The following ADCK1 variants were observed in gnomAD, a reference collection of about 807,000 sequenced individuals.
The protein encoded by ADCK1 is aarF domain containing kinase 1.
A neutral mutation model predicts 52.3 loss-of-function variants in ADCK1; 41 were observed. That is an observed-to-expected ratio of 0.78 (90% CI 0.61 to 1.02). The LOEUF is 1.02. ADCK1 is among the 50% of genes least tolerant of loss of function. ADCK1 has a pLI of 0.00. For synonymous variants in ADCK1, 250 were observed against 274.6 expected (o/e 0.91, Z 0.89); for missense variants, 658 against 679.5 (o/e 0.97, Z 0.35).
At chr14:77,919,456 A>G (rs1193006954) in intron 7 of ADCK1, among the ~76,000 whole-genome samples, 1 of 152,210 alleles carries the variant, frequency 6.6e-6, no homozygotes, top group East Asian at 1.9e-4. Flanking sequence ...TCCATGGTCT[A>G]TGTATACCAC....
intron 4 of ADCK1, among the ~76,000 whole-genome samples, chr14:77,880,417 C>CA (rs2082996678): frequency 6.6e-6 from 1 of 152,254 alleles, no homozygotes; most frequent in Admixed American, 6.5e-5. Flanking sequence ...AATGGCTCTG[C>CA]AGAACCAATA....
chr14:77,880,777 T>A (rs189417611), intron 4 of ADCK1, among the ~76,000 whole-genome samples: 238 of 152,370 alleles, frequency 1.6e-3, no homozygotes, highest in Admixed American at 2.4e-3. Context: ...AATACAAGTG[T>A]GTTTTTCTGA....
At chr14:77,840,265 T>G (rs1228202129) in intron 3 of ADCK1, among the ~76,000 whole-genome samples, 1 of 152,094 alleles carries the variant, frequency 6.6e-6, no homozygotes, top group African/African-American at 2.4e-5. Flanking sequence ...CTGGAACGGT[T>G]CTCACTGGGA....
chr14:77,805,550 CTG>C (rs1205621127), intron 1 of ADCK1, among the ~76,000 whole-genome samples: 2 of 152,064 alleles, frequency 1.3e-5, no homozygotes, highest in East Asian at 3.9e-4. Context: ...GCGTGAGCCA[CTG>C]TGCTGGCCCA....
chr14:77,864,076 C>T (rs1403456514), intron 4 of ADCK1, among the ~76,000 whole-genome samples: 3 of 152,094 alleles, frequency 2.0e-5, no homozygotes, highest in Non-Finnish European at 2.9e-5. Context: ...TCTTTCCTCC[C>T]AGGGGAACTT....
chr14:77,916,801 C>T (rs1275462763), intron 7 of ADCK1, among the ~76,000 whole-genome samples: 1 of 152,244 alleles, frequency 6.6e-6, no homozygotes, highest in Non-Finnish European at 1.5e-5. Context: ...GACTCCACCT[C>T]AGCATTTGTT....
intron 3 of ADCK1, among the ~76,000 whole-genome samples, chr14:77,848,911 C>T (rs752214603): frequency 9.9e-5 from 15 of 151,928 alleles, no homozygotes; most frequent in African/African-American, 2.9e-4. Flanking sequence ...CTGCAAGCTC[C>T]GCCTCCCAGG....
At chr14:77,895,845 G>A (rs1325123083) in intron 5 of ADCK1, among the ~76,000 whole-genome samples, 1 of 152,038 alleles carries the variant, frequency 6.6e-6, no homozygotes, top group Non-Finnish European at 1.5e-5. Context: ...TTCATTTTCT[G>A]GGCTTCGTAG....
chr14:77,883,146 C>A (rs1257327337), intron 4 of ADCK1, among the ~76,000 whole-genome samples: 2 of 151,894 alleles, frequency 1.3e-5, no homozygotes, highest in African/African-American at 4.8e-5. Flanking sequence ...TTAAAAAGCA[C>A]GTAACTAGTC....
chr14:77,829,420 G>A (rs2081792877), intron 3 of ADCK1, among the ~76,000 whole-genome samples: 1 of 150,562 alleles, frequency 6.6e-6, no homozygotes, highest in South Asian at 2.1e-4. Flanking sequence ...TTAGCCTCCT[G>A]AGTAGTGGAC....
intron 3 of ADCK1, among the ~76,000 whole-genome samples, chr14:77,854,883 A>G (rs1482201311): frequency 6.6e-6 from 1 of 152,190 alleles, no homozygotes; most frequent in Admixed American, 6.5e-5. Flanking sequence ...ATGCAAATCA[A>G]CAAATTCAGA....
intron 4 of ADCK1, among the ~76,000 whole-genome samples, chr14:77,880,486 G>A (rs2082999019): frequency 6.6e-6 from 1 of 152,246 alleles, no homozygotes; most frequent in Non-Finnish European, 1.5e-5. Context: ...AGGTCGGCGT[G>A]TCCTTGAGCT....
intron 10 of ADCK1, among the ~76,000 whole-genome samples, 196 bp from the exon 11 acceptor site, chr14:77,933,024 T>G (rs1285754492): frequency 1.3e-5 from 2 of 152,194 alleles, no homozygotes; most frequent in African/African-American, 2.4e-5. Context: ...TTTGAAAAAC[T>G]CCTTTGAAAT....
chr14:77,899,924 G>A (rs933942405), intron 6 of ADCK1, among the ~76,000 whole-genome samples: 72 of 152,076 alleles, frequency 4.7e-4, no homozygotes, highest in African/African-American at 1.6e-3. Context: ...ATAAAAATTA[G>A]CCTGGCGTGG....
At chr14:77,810,647 C>G (rs990829562) in intron 1 of ADCK1, among the ~76,000 whole-genome samples, 3 of 151,968 alleles carry the variant, frequency 2.0e-5, no homozygotes, top group Non-Finnish European at 4.4e-5. Flanking sequence ...TTTCCTACCT[C>G]AGCCTCCCGA....
chr14:77,924,436 C>A (rs766100520), intron 7 of ADCK1, 21 bp from the exon 8 acceptor site: 1 of 1,612,784 alleles, frequency 6.2e-7, no homozygotes, highest in Non-Finnish European at 8.5e-7. Context: ...GGAGCTCCCA[C>A]CTGCCCCTCT....
chr14:77,841,384 C>G (rs372483217), intron 3 of ADCK1, among the ~76,000 whole-genome samples: 8 of 151,996 alleles, frequency 5.3e-5, no homozygotes, highest in East Asian at 1.9e-4. Flanking sequence ...CACAGGGCCT[C>G]CTACGTGGCA....
At chr14:77,900,658 C>G (rs1437215666) in intron 6 of ADCK1, 4 of 451,918 alleles carry the variant, frequency 8.9e-6, no homozygotes, top group South Asian at 1.6e-5. Flanking sequence ...GACTCACCGA[C>G]TCGCAGCGAT....
chr14:77,891,902 G>A (rs2083291687), intron 5 of ADCK1, among the ~76,000 whole-genome samples: 1 of 152,186 alleles, frequency 6.6e-6, no homozygotes, highest in Admixed American at 6.5e-5. Flanking sequence ...GTTTTTCTGT[G>A]TTGAGACCTA....
Sources: gnomAD v4.1 joint callset for allele counts (sites outside exome capture counted in the v4.1 genomes callset) on GRCh38, gnomAD v4.1.1 for gene constraint, MANE v1.5 for transcripts, NCBI Gene and HGNC (gene_info 2026-07-23, HGNC 2026-07-21) for gene names.